Variants in NRXN1 observed in about 807,000 individuals in gnomAD.
NRXN1 encodes neurexin-1.
In NRXN1, 39 loss-of-function variants were observed where a neutral mutation model predicts 150.9. That is an observed-to-expected ratio of 0.26 (90% CI 0.20 to 0.34). The LOEUF (loss-of-function observed/expected upper bound fraction) is 0.34, where lower values mean the gene tolerates loss of function less well. Ranked by LOEUF, NRXN1 falls within the 10% of genes least tolerant of loss-of-function variation. The probability of loss-of-function intolerance (pLI) is 1.00; values close to 1 mark genes in which losing one functional copy is unlikely to be tolerated. For synonymous variants in NRXN1, 924 were observed against 757.0 expected (o/e 1.22, Z -3.62); for missense variants, 1,815 against 1,949.9 (o/e 0.93, Z 1.30).
chr2:50,718,928 G>A (rs1696238305), intron 5 of NRXN1, among the ~76,000 whole-genome samples: 2 of 151,364 alleles, frequency 1.3e-5, no homozygotes, highest in African/African-American at 2.4e-5. Flanking sequence ...TCAAACCTCT[G>A]CTTTAGGATG....
intron 2 of NRXN1, among the ~76,000 whole-genome samples, chr2:50,951,836 T>C (rs975455198): frequency 7.3e-5 from 11 of 151,146 alleles, no homozygotes; most frequent in Admixed American, 5.3e-4. Flanking sequence ...TATGGAATTA[T>C]AGTGATTTTA....
chr2:50,809,920 T>C (rs1667992557), intron 5 of NRXN1, among the ~76,000 whole-genome samples: 2 of 152,198 alleles, frequency 1.3e-5, no homozygotes, highest in African/African-American at 4.8e-5. Flanking sequence ...ATTTTCTATA[T>C]AAAAAATACC....
intron 21 of NRXN1, among the ~76,000 whole-genome samples, chr2:50,047,345 C>A (rs1691975585): frequency 6.6e-6 from 1 of 151,878 alleles, no homozygotes; most frequent in Admixed American, 6.6e-5. Context: ...GTCTGAGGAA[C>A]ACACATATAT....
intron 5 of NRXN1, chr2:50,625,060 T>C (rs1680759737): frequency 6.6e-6 from 1 of 152,024 alleles, no homozygotes; most frequent in African/African-American, 2.4e-5. Context: ...AAACTTAATC[T>C]GTCCCACTGG....
intron 5 of NRXN1, among the ~76,000 whole-genome samples, chr2:50,850,615 A>G (rs916564226): frequency 1.3e-5 from 2 of 152,180 alleles, no homozygotes; most frequent in Admixed American, 1.3e-4. Context: ...AATCTAAAGA[A>G]TATTTGATTT....
At chr2:50,443,645 T>C (rs1261366910) in intron 17 of NRXN1, among the ~76,000 whole-genome samples, 2 of 152,148 alleles carry the variant, frequency 1.3e-5, no homozygotes, top group African/African-American at 4.8e-5. Flanking sequence ...TTTTATTTTA[T>C]AGAAGGAGAG....
intron 18 of NRXN1, among the ~76,000 whole-genome samples, chr2:50,191,998 A>G (rs948488798): frequency 6.6e-6 from 1 of 152,190 alleles, no homozygotes; most frequent in African/African-American, 2.4e-5. Flanking sequence ...TGTTTGGAGT[A>G]AGAGGGCATA....
At chr2:50,636,585 T>C (rs930202458) in intron 5 of NRXN1, among the ~76,000 whole-genome samples, 7 of 152,216 alleles carry the variant, frequency 4.6e-5, no homozygotes, top group African/African-American at 1.7e-4. Context: ...AGTTAAAATG[T>C]CTTTAAAGAT....
intron 5 of NRXN1, among the ~76,000 whole-genome samples, chr2:50,829,260 GGGGAGA>G (rs370389449): frequency 0.13 from 19,782 of 150,530 alleles, 1,315 homozygotes; most frequent in Middle Eastern, 0.17. Context: ...GGGAGACCGT[GGGGAGA>G]GGGAGAGGGA....
intron 17 of NRXN1, among the ~76,000 whole-genome samples, chr2:50,248,987 C>CT (rs111366889): frequency 0.28 from 37,321 of 134,360 alleles, 5,762 homozygotes; most frequent in African/African-American, 0.42. Flanking sequence ...TCTTTACAAA[C>CT]TTTTTTTTTT....
chr2:51,018,628 A>T (rs1669114262), intron 2 of NRXN1, among the ~76,000 whole-genome samples: 1 of 152,006 alleles, frequency 6.6e-6, no homozygotes, highest in Admixed American at 6.6e-5. Context: ...CTGTACCATC[A>T]TCTAGATTTT....
intron 5 of NRXN1, among the ~76,000 whole-genome samples, chr2:50,863,363 T>G (rs1016369875): frequency 2.4e-4 from 36 of 152,026 alleles, no homozygotes; most frequent in African/African-American, 8.2e-4. Flanking sequence ...TAGCCCCAAA[T>G]AAAGGTCCTC....
chr2:50,926,669 T>C (rs1156972845), intron 2 of NRXN1, among the ~76,000 whole-genome samples: 1 of 151,946 alleles, frequency 6.6e-6, no homozygotes, highest in Non-Finnish European at 1.5e-5. Context: ...CAATTTGGTT[T>C]GTCGTGATTT....
chr2:50,651,863 A>G (rs1685684204), intron 5 of NRXN1, among the ~76,000 whole-genome samples: 1 of 151,988 alleles, frequency 6.6e-6, no homozygotes, highest in Non-Finnish European at 1.5e-5. Flanking sequence ...GCACAACAAT[A>G]GTCTACCCAG....
intron 5 of NRXN1, among the ~76,000 whole-genome samples, chr2:50,907,643 T>G (rs983819011): frequency 6.6e-6 from 1 of 151,814 alleles, no homozygotes; most frequent in African/African-American, 2.4e-5. Flanking sequence ...CAGAGGAAAA[T>G]GTGACTACAG....
chr2:50,800,640 C>G (rs150234061), intron 5 of NRXN1, among the ~76,000 whole-genome samples: 1 of 152,146 alleles, frequency 6.6e-6, no homozygotes, highest in Non-Finnish European at 1.5e-5. Context: ...ACCTCCACCT[C>G]CCGGGTTCAG....
intron 8 of NRXN1, among the ~76,000 whole-genome samples, chr2:50,572,847 A>AGGGTCAAG (rs1420019589): frequency 6.6e-6 from 1 of 152,176 alleles, no homozygotes; most frequent in Admixed American, 6.5e-5. Flanking sequence ...TACTAGAATG[A>AGGGTCAAG]GGGTCAAGGT....
intron 17 of NRXN1, among the ~76,000 whole-genome samples, chr2:50,367,667 T>C (rs1520436): frequency 0.013 from 1,957 of 152,076 alleles, 38 homozygotes; most frequent in African/African-American, 0.045. Context: ...CCTTCTGACA[T>C]GCAGAAATGG....
At chr2:50,108,243 G>A (rs1208635177) in intron 18 of NRXN1, among the ~76,000 whole-genome samples, 1 of 151,870 alleles carries the variant, frequency 6.6e-6, no homozygotes, top group Non-Finnish European at 1.5e-5. Flanking sequence ...ATTAAATGTA[G>A]CACACACACA....
Sources: gnomAD v4.1 joint callset for allele counts (sites outside exome capture counted in the v4.1 genomes callset) on GRCh38, gnomAD v4.1.1 for gene constraint, MANE v1.5 for transcripts, NCBI Gene and HGNC (gene_info 2026-07-23, HGNC 2026-07-21) for gene names.